FAM184A: variants seen among roughly 807,000 people sequenced by gnomAD.
FAM184A encodes the protein protein FAM184A.
A neutral mutation model predicts 143.8 loss-of-function variants in FAM184A; 99 were observed. The ratio of observed to expected loss-of-function variants is 0.69; its 90% CI spans 0.58 to 0.81. The LOEUF is 0.81. FAM184A is among the 40% of genes least tolerant of loss of function. The probability of loss-of-function intolerance (pLI) is 0.00; values close to 1 mark genes in which losing one functional copy is unlikely to be tolerated. For synonymous variants in FAM184A, 427 were observed against 446.4 expected, an observed-to-expected ratio of 0.96 and a Z score of 0.55; for missense variants, 1,217 against 1,310.5, an observed-to-expected ratio of 0.93 and a Z score of 1.10.
chr6:118,998,718 G>A (rs1248446768), intron 9 of FAM184A, among the ~76,000 whole-genome samples: 1 of 152,178 alleles, frequency 6.6e-6, no homozygotes, highest in Non-Finnish European at 1.5e-5. Context: ...GGTTCAGCTT[G>A]TTGTGTGTGT....
At chr6:119,054,113 GA>G (rs1786871816) in intron 1 of FAM184A, among the ~76,000 whole-genome samples, 1 of 151,882 alleles carries the variant, frequency 6.6e-6, no homozygotes, top group Non-Finnish European at 1.5e-5. Flanking sequence ...ATAATTTAAT[GA>G]CAACCTTCCC....
chr6:119,033,803 C>A (rs1182454615), intron 1 of FAM184A, among the ~76,000 whole-genome samples: 1 of 150,294 alleles, frequency 6.7e-6, no homozygotes, highest in Non-Finnish European at 1.5e-5. Context: ...TCCAGCCTGG[C>A]CAACATGGCA....
At position 119,078,604 on chromosome 6, in the gene FAM184A, T is replaced by A. The variant is rs1276798379; in HGVS notation, c.-305A>T. 4.5e-6 allele frequency: 1 copy of A among 219,840 alleles called. No homozygotes were observed. Among genetic ancestry groups the A allele is most frequent in the Non-Finnish European group, 8.9e-6 (1 of 112,414 alleles). 13.6% of individuals were successfully genotyped at this position (219,840 alleles called of 1,614,324 possible). ...CCTCGGCCCGCGCCTGGCGGAGGCG[T>A]CGAGGACAGCGCAGCTCCGCGGGTC... On this transcript the variant is annotated 5_prime_UTR_variant, in exon 1 of 18. Transcript: ENST00000338891. The surrounding 1 kb of genome is among the most constrained non-coding windows in gnomAD (Gnocchi z 5.5).
At chr6:119,066,042 T>A (rs1031764463) in intron 1 of FAM184A, among the ~76,000 whole-genome samples, 13 of 152,130 alleles carry the variant, frequency 8.5e-5, no homozygotes, top group African/African-American at 2.7e-4. Flanking sequence ...ATCCATCCCA[T>A]GTGTACAGGG....
chr6:119,075,413 C>A (rs1384703048), intron 1 of FAM184A, among the ~76,000 whole-genome samples: 1 of 152,142 alleles, frequency 6.6e-6, no homozygotes, highest in Non-Finnish European at 1.5e-5. Context: ...CGCTACAACT[C>A]TGTAAAATAG....
chr6:119,115,337 T>C (rs1025323810), intron 1 of FAM184A, among the ~76,000 whole-genome samples: 1 of 152,190 alleles, frequency 6.6e-6, no homozygotes, highest in African/African-American at 2.4e-5. Flanking sequence ...CTAATAATTC[T>C]GTTCTGATCA....
chr6:119,015,615 G>C (rs1032282649), intron 5 of FAM184A, among the ~76,000 whole-genome samples: 11 of 152,184 alleles, frequency 7.2e-5, no homozygotes, highest in African/African-American at 2.7e-4. Flanking sequence ...CCCCGCCTCC[G>C]TGGGTTCCTG....
intron 9 of FAM184A, among the ~76,000 whole-genome samples, chr6:118,992,420 A>G (rs2114614432): frequency 6.6e-6 from 1 of 152,296 alleles, no homozygotes; most frequent in Non-Finnish European, 1.5e-5. Flanking sequence ...TAGCAAGTGC[A>G]GCCTTTGGTA....
chr6:119,045,226 A>T (rs1381137056), intron 1 of FAM184A, among the ~76,000 whole-genome samples: 1 of 152,144 alleles, frequency 6.6e-6, no homozygotes, highest in Non-Finnish European at 1.5e-5. Context: ...TATTGATAAA[A>T]ATAAATGAGA....
intron 1 of FAM184A, among the ~76,000 whole-genome samples, chr6:119,142,960 G>A (rs1772296670): frequency 6.6e-6 from 1 of 152,114 alleles, no homozygotes; most frequent in African/African-American, 2.4e-5. Flanking sequence ...GCAAACAATG[G>A]CGATATATAG....
intron 1 of FAM184A, among the ~76,000 whole-genome samples, chr6:119,139,997 T>G (rs1279264819): frequency 2.0e-5 from 3 of 152,250 alleles, no homozygotes; most frequent in Admixed American, 1.3e-4. Flanking sequence ...TTGCTGGGGC[T>G]GCCCAGGGTG....
At chr6:119,037,854 A>G (rs1046867798) in intron 1 of FAM184A, among the ~76,000 whole-genome samples, 1 of 152,198 alleles carries the variant, frequency 6.6e-6, no homozygotes, top group Non-Finnish European at 1.5e-5. Context: ...AGCAGTCCAA[A>G]GCAAAAAAGA....
chr6:119,112,500 C>T (rs1361677933), intron 1 of FAM184A, among the ~76,000 whole-genome samples: 2 of 152,134 alleles, frequency 1.3e-5, no homozygotes, highest in South Asian at 2.1e-4. Context: ...TTAGAAAACT[C>T]TTGAGATAAC....
At chr6:119,018,121 A>G (rs1313258982) in intron 4 of FAM184A, among the ~76,000 whole-genome samples, 1 of 152,198 alleles carries the variant, frequency 6.6e-6, no homozygotes, top group East Asian at 1.9e-4. Context: ...ACTAATGCAG[A>G]TGTATATCCC....
intron 1 of FAM184A, among the ~76,000 whole-genome samples, chr6:119,122,487 G>A (rs1376404600): frequency 6.6e-6 from 1 of 152,106 alleles, no homozygotes; most frequent in Non-Finnish European, 1.5e-5. Context: ...CTTCAGAGGA[G>A]GGCAAAAGGA....
intron 1 of FAM184A, among the ~76,000 whole-genome samples, chr6:119,143,915 T>C (rs1772330420): frequency 6.6e-6 from 1 of 152,210 alleles, no homozygotes; most frequent in African/African-American, 2.4e-5. Flanking sequence ...AAATTTTATA[T>C]GTGCATTGTA....
chr6:118,962,678 AT>A (rs763257928), intron 16 of FAM184A: 18 of 152,160 alleles, frequency 1.2e-4, no homozygotes, highest in African/African-American at 4.1e-4. Flanking sequence ...TAATCAGCTG[AT>A]TTTTTAATGT....
chr6:119,129,226 G>A (rs542295719), intron 1 of FAM184A, among the ~76,000 whole-genome samples: 23 of 152,302 alleles, frequency 1.5e-4, no homozygotes, highest in African/African-American at 5.3e-4. Flanking sequence ...AGAAAACCAA[G>A]CTGTAACCCA....
At chr6:119,051,774 G>C (rs1401642479) in intron 1 of FAM184A, among the ~76,000 whole-genome samples, 2 of 152,176 alleles carry the variant, frequency 1.3e-5, no homozygotes, top group Non-Finnish European at 2.9e-5. Flanking sequence ...GTGTTATCTT[G>C]TCTGATCGCA....
Sources: allele counts gnomAD v4.1 joint callset (sites outside exome capture counted in the v4.1 genomes callset), GRCh38; gene constraint gnomAD v4.1.1; non-coding constraint Gnocchi (gnomAD v3.1); transcripts MANE v1.5; gene names NCBI Gene and HGNC (gene_info 2026-07-23, HGNC 2026-07-21).